MSN: variants seen among roughly 807,000 people sequenced by gnomAD.
MSN encodes the protein moesin.
A neutral mutation model predicts 48.0 loss-of-function variants in MSN; 2 were observed. The observed-to-expected ratio is 0.04, with a 90% confidence interval of 0.02 to 0.13. The LOEUF (loss-of-function observed/expected upper bound fraction) is 0.13. Ranked by LOEUF, MSN falls within the 10% of genes least tolerant of loss-of-function variation. MSN has a pLI of 1.00. For synonymous variants in MSN, 146 were observed against 166.9 expected, an observed-to-expected ratio of 0.87 and a Z score of 0.97; for missense variants, 267 against 470.1, an observed-to-expected ratio of 0.57 and a Z score of 3.99.
At chrX:65,617,282 T>C (rs1327181441) in intron 1 of MSN, among the ~76,000 whole-genome samples, 1 of 111,088 alleles carries the variant, frequency 9.0e-6, no homozygotes, top group East Asian at 2.8e-4. Flanking sequence ...GAAGGAATGG[T>C]ACCAGTTCCT....
At chrX:65,681,965 A>G (rs763339285) in intron 1 of MSN, among the ~76,000 whole-genome samples, 1 of 110,767 alleles carries the variant, frequency 9.0e-6, no homozygotes, top group Non-Finnish European at 1.9e-5. Flanking sequence ...CCATCTCCTC[A>G]CTCATTTGAG....
chrX:65,645,495 C>T (rs1304601619), intron 1 of MSN, among the ~76,000 whole-genome samples: 3 of 88,164 alleles, frequency 3.4e-5, no homozygotes, highest in Non-Finnish European at 6.5e-5. Flanking sequence ...TTTCTGTAGG[C>T]GGGGCGGGGG....
At chrX:65,673,302 C>G (rs759035347) in intron 1 of MSN, among the ~76,000 whole-genome samples, 1 of 110,830 alleles carries the variant, frequency 9.0e-6, no homozygotes, top group Non-Finnish European at 1.9e-5. Context: ...AAGGAAGGCC[C>G]GGAAGCTACT....
intron 1 of MSN, among the ~76,000 whole-genome samples, chrX:65,627,214 A>G (rs1405940812): frequency 1.8e-5 from 2 of 110,599 alleles, no homozygotes; most frequent in African/African-American, 6.6e-5. Flanking sequence ...TATAATTTTT[A>G]AATAAGAGCT....
At chrX:65,684,973 A>G (rs2071098925) in intron 1 of MSN, among the ~76,000 whole-genome samples, 1 of 111,639 alleles carries the variant, frequency 9.0e-6, no homozygotes, top group Non-Finnish European at 1.9e-5. Context: ...TCCTGGGCTC[A>G]AGCAATCCTA....
At chrX:65,681,595 G>A (rs2071055843) in intron 1 of MSN, among the ~76,000 whole-genome samples, 1 of 112,307 alleles carries the variant, frequency 8.9e-6, no homozygotes, top group South Asian at 3.7e-4. Flanking sequence ...TACAGAGAAA[G>A]CCTAGCTGGC....
At chrX:65,590,236 T>C (rs774763203) in intron 1 of MSN, among the ~76,000 whole-genome samples, 16 of 111,295 alleles carry the variant, frequency 1.4e-4, no homozygotes, top group Non-Finnish European at 2.8e-4. Context: ...AGTTGGCTTA[T>C]TGGGGCCTGG....
chrX:65,657,191 A>G (rs1450215284), intron 1 of MSN, among the ~76,000 whole-genome samples: 2 of 111,573 alleles, frequency 1.8e-5, no homozygotes, highest in East Asian at 5.7e-4. Flanking sequence ...AGGCAGAGTT[A>G]AAGATGATGA....
At chrX:65,724,481 A>G (rs751094058) in intron 2 of MSN, among the ~76,000 whole-genome samples, 5 of 110,348 alleles carry the variant, frequency 4.5e-5, no homozygotes, top group South Asian at 7.8e-4. Context: ...CTCCCACCCA[A>G]TAGTGAAACA....
intron 1 of MSN, among the ~76,000 whole-genome samples, chrX:65,607,667 G>A (rs1213681281): frequency 9.0e-6 from 1 of 111,383 alleles, no homozygotes; most frequent in Non-Finnish European, 1.9e-5. Context: ...CTTGGGTAAG[G>A]TCCTGTCTCC....
chrX:65,665,496 C>T (rs1368710253), upstream of MSN, among the ~76,000 whole-genome samples: 4 of 111,671 alleles, frequency 3.6e-5, no homozygotes, highest in Non-Finnish European at 5.6e-5. Context: ...TTTACCCTAG[C>T]ACACATCAAT....
intron 1 of MSN, among the ~76,000 whole-genome samples, chrX:65,708,548 C>T (rs1276132081): frequency 9.0e-6 from 1 of 111,246 alleles, no homozygotes; most frequent in African/African-American, 3.3e-5. Flanking sequence ...CCACATTGGC[C>T]TCTCAAAGTG....
At position 65,687,127 on chromosome X, in the gene MSN, A is replaced by C. The variant is rs1463144194; in HGVS notation, c.12+19274A>C. Among the ~76,000 whole-genome samples, 3 of 111,932 alleles carry C rather than the reference A, an allele frequency of 2.7e-5. No homozygotes were observed. In the Admixed American group the frequency reaches 2.8e-4, roughly 11 times the overall value. On this transcript the variant is annotated intron_variant, in intron 1 of 12. Transcript: ENST00000360270. ...TTTGGGAGGCTGAGGCGGGTGGATC[A>C]CGAGGTCAGGAGTTTGAGACCAGCC...
At chrX:65,730,064 T>A (rs1168853436) in intron 4 of MSN, among the ~76,000 whole-genome samples, 1 of 111,866 alleles carries the variant, frequency 8.9e-6, no homozygotes. Context: ...ATATCAGAAG[T>A]TCACAGGGGA....
At chrX:65,730,249 C>T (rs750027533) in intron 4 of MSN, among the ~76,000 whole-genome samples, 2 of 112,249 alleles carry the variant, frequency 1.8e-5, no homozygotes, top group African/African-American at 3.2e-5. Context: ...AGGCAATATC[C>T]TTATTTCCTG....
chrX:65,624,055 C>CTGG (rs2070480658), intron 1 of MSN, among the ~76,000 whole-genome samples: 1 of 110,289 alleles, frequency 9.1e-6, no homozygotes, highest in Non-Finnish European at 1.9e-5. Flanking sequence ...TTTTGCAAGG[C>CTGG]TGGTAGTAAT....
At chrX:65,596,248 T>C (rs960661175) in intron 1 of MSN, among the ~76,000 whole-genome samples, 4 of 111,110 alleles carry the variant, frequency 3.6e-5, no homozygotes, top group African/African-American at 1.3e-4. Flanking sequence ...CTCAATAACT[T>C]AGGGACCCCA....
At chrX:65,631,589 A>G (rs778580387) in intron 1 of MSN, among the ~76,000 whole-genome samples, 1 of 112,093 alleles carries the variant, frequency 8.9e-6, no homozygotes, top group East Asian at 2.8e-4. Flanking sequence ...TTACTGCTGA[A>G]TAGTATTCCA....
intron 1 of MSN, among the ~76,000 whole-genome samples, chrX:65,680,829 A>AC (rs1354126272): frequency 9.0e-6 from 1 of 110,706 alleles, no homozygotes; most frequent in African/African-American, 3.3e-5. Context: ...GCTCACTGCA[A>AC]CCTCCACCTC....
Sources: gnomAD v4.1 joint callset for allele counts (sites outside exome capture counted in the v4.1 genomes callset) on GRCh38, gnomAD v4.1.1 for gene constraint, MANE v1.5 for transcripts, NCBI Gene and HGNC (gene_info 2026-07-23, HGNC 2026-07-21) for gene names.